The following DENND11 variants were observed in gnomAD, a reference collection of about 807,000 sequenced individuals.
The protein encoded by DENND11 is DENN domain containing 11.
DENND11 carries 34 observed loss-of-function variants against 49.2 expected under a neutral mutation model. The ratio of observed to expected loss-of-function variants is 0.69; its 90% CI spans 0.53 to 0.92. The LOEUF is 0.92. DENND11 is among the 40% of genes least tolerant of loss of function. The pLI, the probability that DENND11 is intolerant of heterozygous loss-of-function variation, is 0.00. For synonymous variants in DENND11, 238 were observed against 230.3 expected, an observed-to-expected ratio of 1.03 and a Z score of -0.30; for missense variants, 475 against 581.6, an observed-to-expected ratio of 0.82 and a Z score of 1.88.
At chr7:141,690,596 A>G (rs1798312300) in intron 1 of DENND11, among the ~76,000 whole-genome samples, 1 of 152,212 alleles carries the variant, frequency 6.6e-6, no homozygotes, top group Non-Finnish European at 1.5e-5. Flanking sequence ...AACTTTGACC[A>G]ACACAATATG....
chr7:141,687,651 T>TTTA (rs1391032386), intron 1 of DENND11, among the ~76,000 whole-genome samples: 1 of 147,690 alleles, frequency 6.8e-6, no homozygotes, highest in Non-Finnish European at 1.5e-5. Context: ...TTTTTTTTTT[T>TTTA]GAGACAGAGT....
intron 1 of DENND11, among the ~76,000 whole-genome samples, chr7:141,698,994 T>G (rs1798461318): frequency 2.0e-5 from 3 of 150,724 alleles, no homozygotes; most frequent in East Asian, 2.0e-4. Context: ...CTCCTAGGAG[T>G]GGAAACTGAG....
intron 4 of DENND11, among the ~76,000 whole-genome samples, chr7:141,668,244 G>A (rs1234542489): frequency 3.9e-5 from 6 of 152,190 alleles, no homozygotes; most frequent in African/African-American, 1.2e-4. Flanking sequence ...CACTCTAGGA[G>A]AGACAGAAAA....
chr7:141,694,400 A>G (rs576027110), intron 1 of DENND11, among the ~76,000 whole-genome samples: 24 of 152,218 alleles, frequency 1.6e-4, no homozygotes, highest in African/African-American at 5.5e-4. Context: ...AGCTGGGACT[A>G]CAGGTATGCG....
chr7:141,664,619 C>G (rs915288318), intron 7 of DENND11, among the ~76,000 whole-genome samples: 1 of 152,190 alleles, frequency 6.6e-6, no homozygotes, highest in Admixed American at 6.5e-5. Flanking sequence ...CTAAAGGTCA[C>G]GTGGAGAGCA....
intron 2 of DENND11, 99 bp from the exon 3 acceptor site, chr7:141,685,735 G>T: frequency 7.6e-7 from 1 of 1,312,692 alleles, no homozygotes; most frequent in South Asian, 1.4e-5. Context: ...GGCTGTCAAT[G>T]ACAAAGCTCA....
chr7:141,685,657 A>G, intron 2 of DENND11, 21 bp from the exon 3 acceptor site: 1 of 1,612,546 alleles, frequency 6.2e-7, no homozygotes, highest in African/African-American at 1.3e-5. Context: ...CCAAATACGT[A>G]GTGTGGCTCA....
chr7:141,673,234 A>G (rs1798009469), intron 4 of DENND11, among the ~76,000 whole-genome samples: 1 of 152,126 alleles, frequency 6.6e-6, no homozygotes, highest in Non-Finnish European at 1.5e-5. Context: ...TTCGCTGGAA[A>G]ACAAGGAATA....
At chr7:141,697,398 G>A (rs183220555) in intron 1 of DENND11, among the ~76,000 whole-genome samples, 13 of 152,298 alleles carry the variant, frequency 8.5e-5, no homozygotes, top group East Asian at 3.9e-4. Context: ...GATTCTACCC[G>A]GGTGGGATTA....
Position 141,662,149 on chromosome 7 carries a change from A to C in DENND11, c.*507T>G, listed in dbSNP as rs1797807113. On this transcript the variant is annotated 3_prime_UTR_variant, in exon 9 of 9. Coordinates refer to ENST00000536163, the MANE Select transcript of DENND11 (RefSeq NM_001080392.2). ...ACTCAAGTAAACAGAGAAGACATAAAGTTGCCCTAATGAACAAGAAAAGGG... is the reference window on the plus strand; with the variant it reads ...ACTCAAGTAAACAGAGAAGACATAACGTTGCCCTAATGAACAAGAAAAGGG... The C allele has an allele frequency of 6.5e-6, 1 of 153,122 alleles. No individual in the cohort carries two copies. Among genetic ancestry groups the C allele is most frequent in the African/African-American group, 2.4e-5 (1 of 41,502 alleles). 9.5% of individuals were successfully genotyped at this position (153,122 alleles called of 1,614,324 possible).
At chr7:141,667,645 G>A (rs1459877365) in intron 4 of DENND11, among the ~76,000 whole-genome samples, 1 of 152,148 alleles carries the variant, frequency 6.6e-6, no homozygotes, top group African/African-American at 2.4e-5. Flanking sequence ...GAGCACTTCT[G>A]AGAGAGGCAC....
intron 1 of DENND11, among the ~76,000 whole-genome samples, chr7:141,695,154 AT>A (rs565155621): frequency 2.6e-5 from 4 of 151,140 alleles, no homozygotes; most frequent in African/African-American, 7.3e-5. Context: ...TTACTTCATG[AT>A]TTTTTTTTGC....
At chr7:141,675,188 G>C (rs1297823562) in intron 3 of DENND11, among the ~76,000 whole-genome samples, 1 of 152,122 alleles carries the variant, frequency 6.6e-6, no homozygotes, top group Admixed American at 6.5e-5. Context: ...GCAGGTGAAC[G>C]TGACGACAGA....
chr7:141,664,284 C>T (rs893834512), intron 7 of DENND11, 44 bp from the exon 8 acceptor site: 2 of 1,488,404 alleles, frequency 1.3e-6, no homozygotes, highest in Non-Finnish European at 1.8e-6. Context: ...GGTACCAGGA[C>T]CGCAGTCACA....
intron 4 of DENND11, among the ~76,000 whole-genome samples, chr7:141,666,870 C>G (rs1797903895): frequency 6.6e-6 from 1 of 152,168 alleles, no homozygotes; most frequent in African/African-American, 2.4e-5. Flanking sequence ...GCAGAAGTCA[C>G]AGGTAGGAAG....
At chr7:141,663,880 C>T (rs889456093) in intron 8 of DENND11, 1 of 394,266 alleles carries the variant, frequency 2.5e-6, no homozygotes, top group African/African-American at 2.0e-5. Context: ...TCCTGAGGGA[C>T]AGACAGAGCT....
rs535832689 is a variant in DENND11, at chr7:141,687,721, G to A, written c.269-1063C>T. On this transcript the variant is annotated intron_variant, in intron 1 of 8. Coordinates refer to ENST00000536163, the MANE Select transcript of DENND11 (RefSeq NM_001080392.2). Reference sequence around the variant, plus strand: ...GCGATCTCGGCTCAATGCAAGCTCCGCCTCCCAGGTTCATGCCATTCTCCC... The same window carrying A: ...GCGATCTCGGCTCAATGCAAGCTCCACCTCCCAGGTTCATGCCATTCTCCC... Among the ~76,000 whole-genome samples, 237 of 144,736 alleles carry A rather than the reference G, an allele frequency of 1.6e-3. 1 individual carries two copies. Among genetic ancestry groups the A allele is most frequent in the African/African-American group, 5.8e-3 (227 of 39,080 alleles). The allele number at this position is 144,736 out of a possible 152,430, so 95.0% of individuals were successfully genotyped here.
chr7:141,666,394 A>G lies in DENND11; in HGVS notation c.713T>C (p.Phe238Ser). 1 of 1,609,832 alleles carries G rather than the reference A, an allele frequency of 6.2e-7. No individual in the cohort carries two copies. The highest frequency in any genetic ancestry group is 8.5e-7 in the Non-Finnish European group (1 of 1,176,688). Residue 238 changes from phenylalanine to serine, a missense_variant, in exon 5 of 9, where the codon TTT (phenylalanine) becomes TCT (serine). Transcript: ENST00000536163. ...ITHPAGCMSQFIKFFGEQILI... is the reference protein window; with the variant it reads ...ITHPAGCMSQSIKFFGEQILI... The stretch of plus-strand genomic sequence containing the variant: ...GATCTGTTCTCCAAAGAACTTTATA[A>G]ACTGAGACATGCAGCCAGCTGGGTG...
In DENND11 at chr7:141,659,567, A is replaced by T. The variant is rs911539062; in HGVS notation, c.*3089T>A. ...GGATACCAACGAGCCCCAAACCTGAATTCCACTCCCACCTGGAACTTCTTC... is the reference window on the plus strand; with the variant it reads ...GGATACCAACGAGCCCCAAACCTGATTTCCACTCCCACCTGGAACTTCTTC... On this transcript the variant is annotated 3_prime_UTR_variant, in exon 9 of 9. Coordinates refer to ENST00000536163, the MANE Select transcript of DENND11 (RefSeq NM_001080392.2). The T allele has an allele frequency of 6.6e-6, 1 of 152,294 alleles. No individual in the cohort carries two copies. Among genetic ancestry groups the T allele is most frequent in the African/African-American group, 2.4e-5 (1 of 41,454 alleles). 9.4% of individuals were successfully genotyped at this position (152,294 alleles called of 1,614,324 possible).
Sources: gnomAD v4.1 joint callset for allele counts (sites outside exome capture counted in the v4.1 genomes callset) on GRCh38, gnomAD v4.1.1 for gene constraint, MANE v1.5 for transcripts, NCBI Gene and HGNC (gene_info 2026-07-23, HGNC 2026-07-21) for gene names.